MAP3K20: variants seen among roughly 807,000 people sequenced by gnomAD.
MAP3K20 encodes HCCS-4.
Under a neutral mutation model 85.7 loss-of-function variants are expected in MAP3K20, and 40 were observed. That is an observed-to-expected ratio of 0.47 (90% CI 0.36 to 0.61). MAP3K20 has a LOEUF of 0.61. MAP3K20 is among the 20% of genes least tolerant of loss of function. The probability of loss-of-function intolerance (pLI) is 0.00; values close to 1 mark genes in which losing one functional copy is unlikely to be tolerated. For missense variants in MAP3K20, 817 were observed against 961.7 expected (o/e 0.85, Z 1.99); for synonymous variants, 325 against 327.7 (o/e 0.99, Z 0.09).
At chr2:173,169,560 A>G (rs1424222290) in intron 2 of MAP3K20, among the ~76,000 whole-genome samples, 1 of 152,022 alleles carries the variant, frequency 6.6e-6, no homozygotes. Context: ...CTTAAAAAAA[A>G]AAAAAATTAA....
intron 1 of MAP3K20, among the ~76,000 whole-genome samples, chr2:173,078,201 T>G (rs1249881582): frequency 7.5e-6 from 1 of 133,898 alleles, no homozygotes; most frequent in African/African-American, 2.5e-5. Flanking sequence ...TTTTGTTTTG[T>G]TTTTGTTTTT....
rs143009206 is a variant in MAP3K20, at chr2:173,081,595, A to C, written c.-35+5593A>C. Among the ~76,000 whole-genome samples, 238 of 152,326 alleles carry C rather than the reference A, an allele frequency of 1.6e-3. 3 individuals carry two copies. Among genetic ancestry groups the C allele is most frequent in the African/African-American group, 5.4e-3 (225 of 41,568 alleles). ...GGTTATACGATGGCTTTCAAGACAA[A>C]GAGATCTCTTTGCTTTGGGAATTGG... On this transcript the variant is annotated intron_variant, in intron 1 of 19. Transcript: ENST00000375213.
chr2:173,167,301 A>C (rs1689861800), intron 2 of MAP3K20, among the ~76,000 whole-genome samples: 1 of 152,026 alleles, frequency 6.6e-6, no homozygotes, highest in Non-Finnish European at 1.5e-5. Context: ...TCAGAGGGTG[A>C]TTGCAACAAC....
At chr2:173,262,878 T>C (rs1471946873) in intron 18 of MAP3K20, among the ~76,000 whole-genome samples, 1 of 152,242 alleles carries the variant, frequency 6.6e-6, no homozygotes, top group Non-Finnish European at 1.5e-5. Context: ...AAAGCCCTCT[T>C]GTTAGTAATC....
At chr2:173,237,977 C>A (rs1684693372) in intron 14 of MAP3K20, among the ~76,000 whole-genome samples, 1 of 152,074 alleles carries the variant, frequency 6.6e-6, no homozygotes, top group Non-Finnish European at 1.5e-5. Flanking sequence ...CCACAAAGAC[C>A]CCATCTCTAC....
chr2:173,075,958 G>A lies in MAP3K20; in HGVS notation c.-79G>A, dbSNP rs1345308108. ...CCCCGCCGCCCTCGTCGCGCGCGGG[G>A]CCTCCGCGCCCCCGGCTGCTGCTCA... On this transcript the variant is annotated 5_prime_UTR_variant, in exon 1 of 20. Transcript: ENST00000375213. 4.1e-6 allele frequency: 4 copies of A among 985,152 alleles called. No homozygotes were observed. Among genetic ancestry groups the A allele is most frequent in the Non-Finnish European group, 3.6e-6 (3 of 829,912 alleles). 61.0% of individuals were successfully genotyped at this position (985,152 alleles called of 1,614,324 possible).
chr2:173,123,130 A>G (rs991027521), intron 2 of MAP3K20, among the ~76,000 whole-genome samples: 1 of 152,154 alleles, frequency 6.6e-6, no homozygotes, highest in South Asian at 2.1e-4. Context: ...CATCCTCCAT[A>G]TCATGCCAGG....
At chr2:173,167,137 G>A (rs1156855682) in intron 2 of MAP3K20, among the ~76,000 whole-genome samples, 2 of 151,504 alleles carry the variant, frequency 1.3e-5, no homozygotes, top group African/African-American at 2.4e-5. Context: ...GGATGGTCTC[G>A]ACCTCCTGAC....
intron 8 of MAP3K20, among the ~76,000 whole-genome samples, chr2:173,200,934 A>G (rs1691037344): frequency 6.6e-6 from 1 of 152,214 alleles, no homozygotes; most frequent in Non-Finnish European, 1.5e-5. Flanking sequence ...GCCCGGCCAA[A>G]AAAGTTTTTT....
chr2:173,225,921 G>GA (rs1327606300), intron 11 of MAP3K20: 76 of 858,290 alleles, frequency 8.9e-5, no homozygotes, highest in Middle Eastern at 5.9e-4. Flanking sequence ...AAAAAAAAAA[G>GA]AAAAAAAACT....
intron 16 of MAP3K20, among the ~76,000 whole-genome samples, chr2:173,254,519 T>TA (rs1238424629): frequency 6.6e-6 from 1 of 151,928 alleles, no homozygotes; most frequent in African/African-American, 2.4e-5. Flanking sequence ...AGGTTGCAGA[T>TA]ATGTAAGTAA....
intron 2 of MAP3K20, among the ~76,000 whole-genome samples, chr2:173,096,262 C>T (rs1279912105): frequency 1.3e-5 from 2 of 151,990 alleles, no homozygotes; most frequent in African/African-American, 2.4e-5. Flanking sequence ...ATGACCCACA[C>T]ATTTACTTTT....
chr2:173,234,503 G>A (rs571055727), intron 14 of MAP3K20, among the ~76,000 whole-genome samples: 6 of 152,294 alleles, frequency 3.9e-5, no homozygotes, highest in African/African-American at 1.2e-4. Flanking sequence ...TTCATTACCC[G>A]GACTTGGGAG....
chr2:173,177,532 C>T (rs948412388), intron 3 of MAP3K20, among the ~76,000 whole-genome samples: 1 of 146,732 alleles, frequency 6.8e-6, no homozygotes, highest in Non-Finnish European at 1.5e-5. Context: ...ACTGCAACCT[C>T]CACCTCCCAG....
At chr2:173,097,627 A>G (rs1321539645) in intron 2 of MAP3K20, among the ~76,000 whole-genome samples, 1 of 152,164 alleles carries the variant, frequency 6.6e-6, no homozygotes, top group East Asian at 1.9e-4. Context: ...CCCTTATTTT[A>G]AAAGAAAAAG....
At chr2:173,157,414 A>C (rs974221144) in intron 2 of MAP3K20, among the ~76,000 whole-genome samples, 5 of 152,032 alleles carry the variant, frequency 3.3e-5, no homozygotes, top group Admixed American at 1.3e-4. Flanking sequence ...ACAGAACCCC[A>C]AAACAGTAAA....
intron 16 of MAP3K20, among the ~76,000 whole-genome samples, chr2:173,252,613 C>G (rs1174939742): frequency 6.6e-6 from 1 of 152,210 alleles, no homozygotes; most frequent in Non-Finnish European, 1.5e-5. Context: ...TTCCGGGTAA[C>G]TACTTTTTGC....
rs368367545 is a variant in MAP3K20 at position 173,258,904 on chromosome 2, C to G, written c.1476+89C>G. The G allele has an allele frequency of 2.3e-4, 191 of 820,812 alleles. 2 individuals carry two copies. The highest frequency in any genetic ancestry group is 1.9e-3 in the East Asian group (75 of 39,942). The allele number at this position is 820,812 out of a possible 1,614,324, so 50.8% of individuals were successfully genotyped here. ...AATACCCCAGCAGTGTGCTTTTGTGCTTGTCCATGCTCACATCAGCTCAGC... is the reference window on the plus strand; with the variant it reads ...AATACCCCAGCAGTGTGCTTTTGTGGTTGTCCATGCTCACATCAGCTCAGC... On this transcript the variant is annotated intron_variant, in intron 17 of 19. Transcript: ENST00000375213.
intron 2 of MAP3K20, among the ~76,000 whole-genome samples, chr2:173,154,294 T>G (rs1689392682): frequency 6.6e-6 from 1 of 152,110 alleles, no homozygotes; most frequent in African/African-American, 2.4e-5. Context: ...AGCAATTCTC[T>G]TGCCTCAGCC....
Sources: allele counts gnomAD v4.1 joint callset (sites outside exome capture counted in the v4.1 genomes callset), GRCh38; gene constraint gnomAD v4.1.1; transcripts MANE v1.5; gene names NCBI Gene and HGNC (gene_info 2026-07-23, HGNC 2026-07-21).